CUL2: variants seen among roughly 807,000 people sequenced by gnomAD.
CUL2 encodes cullin 2.
A neutral mutation model predicts 110.2 loss-of-function variants in CUL2; 22 were observed. The ratio of observed to expected loss-of-function variants is 0.20; its 90% CI spans 0.14 to 0.28. The LOEUF (loss-of-function observed/expected upper bound fraction) is 0.28. Among genes scored for constraint, CUL2 ranks in the 10% least tolerant of loss-of-function variants. The pLI is 1.00. For missense variants in CUL2, 631 were observed against 905.5 expected, an observed-to-expected ratio of 0.70 and a Z score of 3.89; for synonymous variants, 279 against 293.2, an observed-to-expected ratio of 0.95 and a Z score of 0.49.
At chr10:35,053,009 CAAAT>C (rs2086152130) in intron 5 of CUL2, among the ~76,000 whole-genome samples, 2 of 149,868 alleles carry the variant, frequency 1.3e-5, no homozygotes, top group Non-Finnish European at 3.0e-5. Context: ...CAGACAGTAA[CAAAT>C]AACAAAAAAA....
intron 4 of CUL2, 119 bp downstream of exon 4, chr10:35,060,755 G>T: frequency 1.3e-6 from 1 of 781,296 alleles, no homozygotes; most frequent in Non-Finnish European, 2.0e-6. Context: ...GTCCATGTCA[G>T]AGAGAATGCT....
At chr10:35,081,222 G>A (rs1054725218) in intron 1 of CUL2, among the ~76,000 whole-genome samples, 2 of 151,936 alleles carry the variant, frequency 1.3e-5, no homozygotes, top group South Asian at 4.1e-4. Context: ...CCAAGATCTT[G>A]TCACAAAAAA....
chr10:35,055,616 C>A (rs1196284436), intron 4 of CUL2, among the ~76,000 whole-genome samples: 4 of 152,142 alleles, frequency 2.6e-5, no homozygotes, highest in African/African-American at 7.2e-5. Context: ...GTGGTATACC[C>A]ACAACCATTT....
At chr10:35,013,323 C>G (rs974085052) in intron 19 of CUL2, among the ~76,000 whole-genome samples, 2 of 137,562 alleles carry the variant, frequency 1.5e-5, no homozygotes, top group Non-Finnish European at 3.0e-5. Flanking sequence ...CCAGCCTGGG[C>G]GAGAGAGCAA....
chr10:35,021,790 G>A (rs147679315), intron 17 of CUL2, among the ~76,000 whole-genome samples: 1,904 of 148,166 alleles, frequency 0.013, 50 homozygotes, highest in African/African-American at 0.045. Context: ...TCCAGCTTAC[G>A]TGAGGTGGGG....
rs767396435 is a variant in CUL2 at position 35,011,983 on chromosome 10, G to C, written c.1990-19C>G. On this transcript the variant is annotated intron_variant, in intron 19 of 20. Coordinates refer to ENST00000374749, the MANE Select transcript of CUL2 (RefSeq NM_003591.4). ...CCATTTCCTGTTTTACAGAAGAAAA[G>C]AAAAAAGACCCAACAAGACATTAAG... is the stretch of plus-strand genomic sequence containing the variant. 7 of 1,412,696 alleles carry C rather than the reference G, an allele frequency of 5.0e-6. No individual in the cohort carries two copies. The highest frequency in any genetic ancestry group is 5.8e-6 in the Non-Finnish European group (6 of 1,026,580). The allele number at this position is 1,412,696 out of a possible 1,614,324, so 87.5% of individuals were successfully genotyped here.
In CUL2 at chr10:35,104,192, A is replaced by G. The variant is rs149649855; in HGVS notation, c.-50-3132T>C. Among the ~76,000 whole-genome samples the G allele has an allele frequency of 2.6e-5, 4 of 152,336 alleles. No homozygotes were observed. The East Asian group carries it at 7.7e-4, about 29-fold the overall frequency. ...CTGGGCGTAGTGGCTCACACCTGTA[A>G]TCCCAGCACTTACGGATGCCGAGGA... is the stretch of plus-strand genomic sequence containing the variant. On this transcript the variant is annotated intron_variant, in intron 1 of 5. Transcript: ENST00000685421.
At chr10:35,088,233 G>C (rs1164131825) in intron 1 of CUL2, among the ~76,000 whole-genome samples, 2 of 152,170 alleles carry the variant, frequency 1.3e-5, no homozygotes, top group Non-Finnish European at 2.9e-5. Context: ...GGGTTGGACA[G>C]GTGTGGTGGC....
At chr10:35,026,905 A>T (rs539903186) in intron 16 of CUL2, among the ~76,000 whole-genome samples, 1 of 152,184 alleles carries the variant, frequency 6.6e-6, no homozygotes, top group South Asian at 2.1e-4. Flanking sequence ...ACATATGCAT[A>T]CATGTGCCAT....
rs113362965 is a variant in CUL2, at chr10:35,037,305, G to A, written c.877+1615C>T. Among the ~76,000 whole-genome samples the A allele has an allele frequency of 6.2e-3, 949 of 152,290 alleles. 12 individuals are homozygous for A. Among genetic ancestry groups the A allele is most frequent in the African/African-American group, 0.022 (898 of 41,548 alleles). ...CATCTTTTACCTGCCGCTCTGCAGCGCCACCTTGGTCTTACATCAAGTGGC... is the reference window on the plus strand; with the variant it reads ...CATCTTTTACCTGCCGCTCTGCAGCACCACCTTGGTCTTACATCAAGTGGC... On this transcript the variant is annotated intron_variant, in intron 9 of 20. Coordinates refer to ENST00000374749, the MANE Select transcript of CUL2 (RefSeq NM_003591.4).
At chr10:35,063,479 T>C (rs1485675277) in intron 2 of CUL2, among the ~76,000 whole-genome samples, 1 of 152,188 alleles carries the variant, frequency 6.6e-6, no homozygotes, top group Non-Finnish European at 1.5e-5. Flanking sequence ...GGCAGACATG[T>C]CTAAGCAATT....
At chr10:35,106,980 GT>G (rs1321373094) in intron 1 of CUL2, among the ~76,000 whole-genome samples, 2 of 151,358 alleles carry the variant, frequency 1.3e-5, no homozygotes. Context: ...TTGTTTGTTT[GT>G]TTTTTTGTTT....
intron 6 of CUL2, among the ~76,000 whole-genome samples, chr10:35,047,926 G>T (rs938871218): frequency 1.3e-5 from 2 of 151,882 alleles, no homozygotes; most frequent in Non-Finnish European, 2.9e-5. Context: ...AGGAAAAAAG[G>T]ACAGGCATAA....
rs376477780 is a variant in CUL2 at position 35,037,532 on chromosome 10, C to T, written c.877+1388G>A. 6.3e-4 allele frequency among the ~76,000 whole-genome samples: 96 copies of T among 152,268 alleles called. 1 individual carries two copies. The South Asian group carries it at 0.018, about 29-fold the overall frequency. ...GGGTTTTGACTACATTGCCCTGGAT[C>T]TATGAAATTAATGTTGCTGTAAAAA... On this transcript the variant is annotated intron_variant, in intron 9 of 20. Transcript: ENST00000374749.
chr10:35,081,718 C>T lies in CUL2; in HGVS notation c.-23+8461G>A, dbSNP rs1024526428. Among the ~76,000 whole-genome samples, 5 of 152,034 alleles carry T rather than the reference C, an allele frequency of 3.3e-5. No homozygotes were observed. The South Asian group carries it at 6.2e-4, about 19-fold the overall frequency. ...CAGCCAACCTGGGCAACATGGTGAA[C>T]CCCGCCTGTACAAAATACAAACAGA... On this transcript the variant is annotated intron_variant, in intron 1 of 20. Coordinates refer to ENST00000374749, the MANE Select transcript of CUL2 (RefSeq NM_003591.4).
intron 1 of CUL2, chr10:35,074,137 C>T (rs1348634376): frequency 1.7e-5 from 26 of 1,511,432 alleles, no homozygotes; most frequent in Non-Finnish European, 2.0e-5. Flanking sequence ...AAGTTCTTGA[C>T]TTCAAGATCA....
chr10:35,020,235 G>A (rs1278911706), intron 17 of CUL2, among the ~76,000 whole-genome samples: 1 of 152,032 alleles, frequency 6.6e-6, no homozygotes, highest in Non-Finnish European at 1.5e-5. Context: ...CAACTGGCCT[G>A]GTCTGTTCAA....
chr10:35,086,423 G>T (rs1052295142), intron 1 of CUL2, among the ~76,000 whole-genome samples: 4 of 152,170 alleles, frequency 2.6e-5, no homozygotes, highest in African/African-American at 9.6e-5. Flanking sequence ...TAGCAGCTGG[G>T]ATTACAGGCC....
chr10:35,067,139 C>CAAAAAAAA (rs71523356), intron 2 of CUL2, among the ~76,000 whole-genome samples: 3 of 76,816 alleles, frequency 3.9e-5, no homozygotes, highest in African/African-American at 5.3e-5. Flanking sequence ...AACTCCATCT[C>CAAAAAAAA]AAAAAAAAAA....
Sources: allele counts gnomAD v4.1 joint callset (sites outside exome capture counted in the v4.1 genomes callset), GRCh38; gene constraint gnomAD v4.1.1; transcripts MANE v1.5; gene names NCBI Gene and HGNC (gene_info 2026-07-23, HGNC 2026-07-21).